The following GRXCR2 variants were observed in gnomAD, a reference collection of about 807,000 sequenced individuals.
GRXCR2 encodes glutaredoxin and cysteine rich domain containing 2, also known as glutaredoxin domain-containing cysteine-rich protein 2.
Under a neutral mutation model 24.8 loss-of-function variants are expected in GRXCR2, and 23 were observed. That is an observed-to-expected ratio of 0.93 (90% CI 0.67 to 1.32). GRXCR2 has a LOEUF of 1.32. GRXCR2 is among the 40% of genes most tolerant of loss of function. GRXCR2 has a pLI of 0.00. For synonymous variants in GRXCR2, 130 were observed against 116.1 expected (o/e 1.12, Z -0.77); for missense variants, 315 against 303.4 (o/e 1.04, Z -0.28).
intron 2 of GRXCR2, among the ~76,000 whole-genome samples, chr5:145,920,734 A>C (rs370966653): frequency 6.6e-5 from 10 of 152,380 alleles, no homozygotes; most frequent in African/African-American, 2.2e-4. Flanking sequence ...GTTAGTCACC[A>C]TGTGCTATGG....
chr5:145,864,622 C>T (rs1756397278), intron 2 of GRXCR2, among the ~76,000 whole-genome samples: 1 of 151,952 alleles, frequency 6.6e-6, no homozygotes, highest in Non-Finnish European at 1.5e-5. Flanking sequence ...TTCTCAAGCT[C>T]TCTCTCTCTC....
intron 1 of GRXCR2, among the ~76,000 whole-genome samples, chr5:145,871,077 GA>G (rs974433959): frequency 3.0e-4 from 44 of 148,682 alleles, no homozygotes; most frequent in South Asian, 6.4e-4. Flanking sequence ...CTCTAAAAAA[GA>G]AAAAAAAAAT....
intron 2 of GRXCR2, among the ~76,000 whole-genome samples, chr5:145,929,602 A>G (rs1034476027): frequency 6.6e-6 from 1 of 152,128 alleles, no homozygotes; most frequent in African/African-American, 2.4e-5. Flanking sequence ...AGTTTTACCA[A>G]TTACTTGGAT....
upstream of GRXCR2, chr5:145,873,111 T>A (rs1456862872): frequency 3.1e-6 from 2 of 644,866 alleles, no homozygotes; most frequent in Non-Finnish European, 5.4e-6. Context: ...TTACAGCAAC[T>A]GACACCCATA....
intron 2 of GRXCR2, among the ~76,000 whole-genome samples, chr5:145,919,494 T>G (rs2149928215): frequency 6.6e-6 from 1 of 152,268 alleles, no homozygotes; most frequent in East Asian, 1.9e-4. Context: ...TTAACCCCAG[T>G]GCAATGCTGA....
At chr5:145,923,905 T>C (rs1313665508) in intron 2 of GRXCR2, among the ~76,000 whole-genome samples, 2 of 152,196 alleles carry the variant, frequency 1.3e-5, no homozygotes, top group Non-Finnish European at 2.9e-5. Flanking sequence ...AAACAGTGAA[T>C]GTCCTTGTAT....
chr5:145,892,246 G>A (rs568044448), intron 2 of GRXCR2, among the ~76,000 whole-genome samples: 153 of 152,310 alleles, frequency 1.0e-3, no homozygotes, highest in African/African-American at 3.4e-3. Flanking sequence ...CCAAAGGAAC[G>A]CAGCTCCTCA....
At chr5:145,911,207 T>C (rs1256456344) in intron 2 of GRXCR2, among the ~76,000 whole-genome samples, 1 of 152,216 alleles carries the variant, frequency 6.6e-6, no homozygotes, top group African/African-American at 2.4e-5. Context: ...TTTTAGGAAC[T>C]AGTTTGGTCA....
intron 2 of GRXCR2, among the ~76,000 whole-genome samples, chr5:145,892,554 A>C (rs943988449): frequency 3.3e-5 from 5 of 152,236 alleles, no homozygotes; most frequent in African/African-American, 1.2e-4. Flanking sequence ...ACAATGAATG[A>C]AATGAAGCGA....
Position 145,868,275 on chromosome 5 carries a change from T to C in GRXCR2, c.337-1547A>G, listed in dbSNP as rs553983273. Among the ~76,000 whole-genome samples, 6 of 152,322 alleles carry C rather than the reference T, an allele frequency of 3.9e-5. No homozygotes were observed. In the South Asian group the frequency reaches 1.2e-3, roughly 32 times the overall value. Reference sequence around the variant, plus strand: ...CTCAATACCTCAGCATGAAGTATTCTGCCCTGCTTATAGGACTGTATAAAC... The same window carrying C: ...CTCAATACCTCAGCATGAAGTATTCCGCCCTGCTTATAGGACTGTATAAAC... On this transcript the variant is annotated intron_variant, in intron 1 of 2. Transcript: ENST00000377976.
chr5:145,928,022 C>T (rs1229292490), intron 2 of GRXCR2, among the ~76,000 whole-genome samples: 1 of 152,004 alleles, frequency 6.6e-6, no homozygotes, highest in South Asian at 2.1e-4. Context: ...GGGCTAATAT[C>T]CAGAATCTAC....
chr5:145,922,135 T>C (rs111567451), intron 2 of GRXCR2, among the ~76,000 whole-genome samples: 6,402 of 152,280 alleles, frequency 0.042, 384 homozygotes, highest in African/African-American at 0.14. Context: ...TTTGTGATCA[T>C]GCGGCTGCCC....
chr5:145,859,116 T>C lies in GRXCR2; in HGVS notation c.*617A>G, dbSNP rs978794589. 2.0e-5 allele frequency: 3 copies of C among 152,718 alleles called. No individual in the cohort carries two copies. Among genetic ancestry groups the C allele is most frequent in the African/African-American group, 4.8e-5 (2 of 41,456 alleles). The allele number at this position is 152,718 out of a possible 1,614,324, so 9.5% of individuals were successfully genotyped here. A position where few individuals can be genotyped will look rare whatever the true frequency, so the allele number is the denominator to read the frequency against. On this transcript the variant is annotated 3_prime_UTR_variant, in exon 3 of 3. Coordinates refer to ENST00000377976, the MANE Select transcript of GRXCR2 (RefSeq NM_001080516.2). Reference sequence around the variant, plus strand: ...TGACTTAAGAAATAGTATTGCTCACTGTCTGCATAAATATTATCCAAACAC... The same window carrying C: ...TGACTTAAGAAATAGTATTGCTCACCGTCTGCATAAATATTATCCAAACAC...
chr5:145,887,250 C>T (rs1484148647), intron 2 of GRXCR2, among the ~76,000 whole-genome samples: 1 of 152,192 alleles, frequency 6.6e-6, no homozygotes, highest in Non-Finnish European at 1.5e-5. Flanking sequence ...GTGTTTGCCA[C>T]CAAACCTGGC....
intron 2 of GRXCR2, among the ~76,000 whole-genome samples, chr5:145,899,427 T>TA (rs746427238): frequency 1.3e-5 from 2 of 151,772 alleles, no homozygotes; most frequent in African/African-American, 2.4e-5. Flanking sequence ...TCATATGGAA[T>TA]AAAAAAAGAG....
upstream of GRXCR2, among the ~76,000 whole-genome samples, chr5:145,876,036 G>T (rs1756608212): frequency 6.6e-6 from 1 of 150,826 alleles, no homozygotes; most frequent in South Asian, 2.1e-4. Context: ...GCATGGTGGT[G>T]CTTGTCTGTA....
In GRXCR2 at chr5:145,907,706, G is replaced by A. The variant is rs146238172; in HGVS notation, c.-70+27995C>T. ...GCCAATAGGAGTTCCTGGTGAATCCGACACGGGGTCCTGGAAGAAAGAGAG... is the reference window on the plus strand; with the variant it reads ...GCCAATAGGAGTTCCTGGTGAATCCAACACGGGGTCCTGGAAGAAAGAGAG... On this transcript the variant is annotated intron_variant, in intron 2 of 3. Coordinates refer to the GRXCR2 transcript ENST00000639411. Among the ~76,000 whole-genome samples, 935 of 152,204 alleles carry A rather than the reference G, an allele frequency of 6.1e-3. 9 individuals are homozygous for A. The highest frequency in any genetic ancestry group is 0.021 in the African/African-American group (882 of 41,510).
upstream of GRXCR2, among the ~76,000 whole-genome samples, chr5:145,877,008 T>C (rs144933865): frequency 6.6e-6 from 1 of 152,292 alleles, no homozygotes; most frequent in Non-Finnish European, 1.5e-5. Flanking sequence ...TGTTTTTTTT[T>C]CTTTCCCAGT....
chr5:145,875,675 G>A (rs890939937), upstream of GRXCR2, among the ~76,000 whole-genome samples: 2 of 152,070 alleles, frequency 1.3e-5, no homozygotes, highest in Non-Finnish European at 2.9e-5. Context: ...AGGTGGGAGA[G>A]AAGAACTAGG....
Sources: allele counts gnomAD v4.1 joint callset (sites outside exome capture counted in the v4.1 genomes callset), GRCh38; gene constraint gnomAD v4.1.1; transcripts MANE v1.5; gene names NCBI Gene and HGNC (gene_info 2026-07-23, HGNC 2026-07-21).